Variants in MYO9A observed in about 807,000 individuals in gnomAD.
MYO9A encodes myosin IXA.
Under a neutral mutation model 293.3 loss-of-function variants are expected in MYO9A, and 103 were observed. The ratio of observed to expected loss-of-function variants is 0.35; its 90% CI spans 0.30 to 0.41. The LOEUF is 0.41. Ranked by LOEUF, MYO9A falls within the 10% of genes least tolerant of loss-of-function variation. The probability of loss-of-function intolerance (pLI) is 1.00; values close to 1 mark genes in which losing one functional copy is unlikely to be tolerated. For synonymous variants in MYO9A, 1,001 were observed against 1,035.7 expected (o/e 0.97, Z 0.64); for missense variants, 2,685 against 3,033.0 (o/e 0.89, Z 2.69).
chr15:71,850,761 G>T (rs2055602232), intron 37 of MYO9A, among the ~76,000 whole-genome samples: 1 of 53,806 alleles, frequency 1.9e-5, no homozygotes, highest in African/African-American at 8.2e-5. Flanking sequence ...CTGAAACTGT[G>T]TCTCAAAAAA....
intron 6 of MYO9A, among the ~76,000 whole-genome samples, chr15:72,016,488 A>T (rs1455774670): frequency 1.3e-5 from 2 of 152,202 alleles, no homozygotes; most frequent in East Asian, 3.8e-4. Flanking sequence ...CCATTTATAC[A>T]ATTCCACGAA....
At chr15:71,939,005 A>T in intron 15 of MYO9A, 78 bp from the exon 16 acceptor site, 1 of 1,143,532 alleles carries the variant, frequency 8.7e-7, no homozygotes, top group South Asian at 1.4e-5. Context: ...TCTAAAGACA[A>T]ACGAAAATTT....
chr15:71,849,658 A>G (rs1489645751), intron 38 of MYO9A, among the ~76,000 whole-genome samples: 1 of 151,036 alleles, frequency 6.6e-6, no homozygotes, highest in African/African-American at 2.4e-5. Context: ...CCTCAAGAAA[A>G]AAGACCAAGG....
chr15:71,891,284 A>G (rs961798704), intron 26 of MYO9A: 10 of 152,258 alleles, frequency 6.6e-5, no homozygotes, highest in African/African-American at 1.9e-4. Flanking sequence ...AACAGAGGCT[A>G]GAACACTGAA....
Position 71,850,016 on chromosome 15 carries a change from G to C in MYO9A, c.6713+20C>G. 1 of 1,613,520 alleles carries C rather than the reference G, an allele frequency of 6.2e-7. No homozygotes were observed. Among genetic ancestry groups the C allele is most frequent in the Non-Finnish European group, 8.5e-7 (1 of 1,179,526 alleles). On this transcript the variant is annotated intron_variant, in intron 38 of 41. Coordinates refer to ENST00000356056, the MANE Select transcript of MYO9A (RefSeq NM_006901.4). Reference sequence around the variant, plus strand: ...CAGAAGTCCCTGAGGTCTTGCAAAGGTTATGGTAACTGGCCTTACGTGGTA... The same window carrying C: ...CAGAAGTCCCTGAGGTCTTGCAAAGCTTATGGTAACTGGCCTTACGTGGTA...
intron 12 of MYO9A, among the ~76,000 whole-genome samples, chr15:71,970,574 A>C (rs1350422507): frequency 1.3e-5 from 2 of 152,330 alleles, no homozygotes; most frequent in Non-Finnish European, 2.9e-5. Context: ...AAAATATTTC[A>C]TGCCTTTGCA....
chr15:71,943,738 C>T (rs2058838976), intron 15 of MYO9A, among the ~76,000 whole-genome samples: 1 of 152,090 alleles, frequency 6.6e-6, no homozygotes. Flanking sequence ...GCTCTCCACA[C>T]AGATTGGCTT....
intron 9 of MYO9A, among the ~76,000 whole-genome samples, chr15:71,994,812 A>T (rs1279167670): frequency 1.3e-5 from 2 of 152,204 alleles, no homozygotes; most frequent in African/African-American, 4.8e-5. Flanking sequence ...GGCTCATGGC[A>T]GCCTCCGTCT....
At chr15:71,972,507 G>C (rs140052322) in intron 12 of MYO9A, among the ~76,000 whole-genome samples, 2 of 152,118 alleles carry the variant, frequency 1.3e-5, no homozygotes, top group African/African-American at 2.4e-5. Context: ...CTGAGTCCTC[G>C]ATCTGTGGGA....
intron 1 of MYO9A, among the ~76,000 whole-genome samples, chr15:72,078,965 G>A (rs1445217643): frequency 1.3e-5 from 2 of 152,184 alleles, no homozygotes; most frequent in Non-Finnish European, 2.9e-5. Flanking sequence ...AGCGTTGTGG[G>A]AGGTGAAAGG....
intron 11 of MYO9A, among the ~76,000 whole-genome samples, chr15:71,981,212 C>A (rs1041745831): frequency 1.3e-5 from 2 of 152,082 alleles, no homozygotes; most frequent in Non-Finnish European, 2.9e-5. Context: ...ATTTTTGTAT[C>A]TGTGTTTATG....
At position 71,897,632 on chromosome 15, in the gene MYO9A, T is replaced by A; in HGVS notation, c.4871A>T (p.Asp1624Val). Reference sequence around the variant, plus strand: ...TACATTCAGCTGGGTGCCCATTCTGTCTGTCTTGGATAATTCCTTGACAGT... The same window carrying A: ...TACATTCAGCTGGGTGCCCATTCTGACTGTCTTGGATAATTCCTTGACAGT... Reference protein sequence around the residue: ...SSTVKELSKTDRMGTQLNVAC... With the variant: ...SSTVKELSKTVRMGTQLNVAC... Residue 1624 changes from aspartate to valine, a missense_variant, in exon 25 of 42, where the codon GAC (aspartate) becomes GTC (valine). Asp to Val is a radical substitution (Grantham distance 152, BLOSUM62 -3). Around this residue, in one of 10 missense-constraint regions of MYO9A, gnomAD observed 1,434 missense variants for 1,497.7 expected, o/e 0.96. Coordinates refer to ENST00000356056, the MANE Select transcript of MYO9A (RefSeq NM_006901.4). 1 of 1,614,194 alleles carries A rather than the reference T, an allele frequency of 6.2e-7. No individual in the cohort carries two copies. The highest frequency in any genetic ancestry group is 8.5e-7 in the Non-Finnish European group (1 of 1,180,026).
Position 72,046,396 on chromosome 15 carries a change from G to C in MYO9A, c.168C>G (p.Asp56Glu). 6.2e-7 allele frequency: 1 copy of C among 1,614,132 alleles called. No homozygotes were observed. Among genetic ancestry groups the C allele is most frequent in the Non-Finnish European group, 8.5e-7 (1 of 1,180,036 alleles). ...CTGCTAGAACATAACATTTTGTTTT[G>C]TCAAGATGAAGTTTGTTTATAAGAG... The part of the protein sequence containing the change: ...IESLINKLHL[D>E]KTKCYVLAEV... Residue 56 changes from aspartate to glutamate, a missense_variant, in exon 2 of 42, where the codon GAC becomes GAG. Physicochemically the swap from Asp to Glu is conservative, Grantham distance 45. Coordinates refer to ENST00000356056, the MANE Select transcript of MYO9A (RefSeq NM_006901.4).
rs76709154 is a variant in MYO9A at position 72,115,373 on chromosome 15, G to A, written c.-72+2307C>T. Reference sequence around the variant, plus strand: ...AACTACAGTCACCTAAACTGAACATGTCACAAATTAACCCCTCTATCCTTC... The same window carrying A: ...AACTACAGTCACCTAAACTGAACATATCACAAATTAACCCCTCTATCCTTC... On this transcript the variant is annotated intron_variant, in intron 1 of 41. Transcript: ENST00000356056. Among the ~76,000 whole-genome samples the A allele has an allele frequency of 1.8e-4, 28 of 152,198 alleles. No individual in the cohort carries two copies. In the East Asian group the frequency reaches 5.2e-3, roughly 28 times the overall value.
intron 1 of MYO9A, among the ~76,000 whole-genome samples, chr15:72,066,877 A>G (rs1361044274): frequency 6.6e-6 from 1 of 152,220 alleles, no homozygotes; most frequent in African/African-American, 2.4e-5. Flanking sequence ...TCCGTCTCAA[A>G]AAAAAGAAAA....
At chr15:71,878,740 ATTTTTT>A (rs200866619) in intron 30 of MYO9A, among the ~76,000 whole-genome samples, 1 of 108,624 alleles carries the variant, frequency 9.2e-6, no homozygotes, top group African/African-American at 3.4e-5. Context: ...GAGATCTGGA[ATTTTTT>A]TTTTTTTTTT....
rs139910917 is a variant in MYO9A, at chr15:71,947,104, G to A, written c.2302+4673C>T. 6.3e-3 allele frequency among the ~76,000 whole-genome samples: 961 copies of A among 151,862 alleles called. 7 individuals are homozygous for A. Among genetic ancestry groups the A allele is most frequent in the Non-Finnish European group, 0.01 (691 of 67,920 alleles). ...TGCACTCCAGTCTGGGTGACAGAAC[G>A]AGCTCCTATCTCTAAAATATGAAAC... On this transcript the variant is annotated intron_variant, in intron 15 of 41. Coordinates refer to ENST00000356056, the MANE Select transcript of MYO9A (RefSeq NM_006901.4).
At chr15:72,053,655 G>C (rs750332591) in intron 1 of MYO9A, among the ~76,000 whole-genome samples, 5 of 152,174 alleles carry the variant, frequency 3.3e-5, no homozygotes, top group Non-Finnish European at 5.9e-5. Context: ...CTACTTGAGG[G>C]TGAAGGGTGG....
At position 71,892,993 on chromosome 15, in the gene MYO9A, C is replaced by T. The variant is rs551920394; in HGVS notation, c.5142+686G>A. On this transcript the variant is annotated intron_variant, in intron 26 of 41. Coordinates refer to ENST00000356056, the MANE Select transcript of MYO9A (RefSeq NM_006901.4). ...TTCGGAGTCACTGTGAGAGGCCTGA[C>T]CCAGGCTGGGTGCAGGCCCTAGCTC... The T allele has an allele frequency of 6.5e-5, 84 of 1,285,626 alleles. No homozygotes were observed. In the South Asian group the frequency reaches 9.6e-4, roughly 15 times the overall value. The allele number at this position is 1,285,626 out of a possible 1,614,324, so 79.6% of individuals were successfully genotyped here. A position where few individuals can be genotyped will look rare whatever the true frequency, so the allele number is the denominator to read the frequency against.
Sources: gnomAD v4.1 joint callset for allele counts (sites outside exome capture counted in the v4.1 genomes callset) on GRCh38, gnomAD v4.1.1 for gene constraint, gnomAD v4.1.1 regional missense constraint, MANE v1.5 for transcripts, NCBI Gene and HGNC (gene_info 2026-07-23, HGNC 2026-07-21) for gene names.